PET117: variants seen among roughly 807,000 people sequenced by gnomAD.
PET117 encodes the protein PET117 cytochrome c oxidase chaperone.
PET117 carries 10 observed loss-of-function variants against 9.2 expected under a neutral mutation model. The observed-to-expected ratio is 1.09, with a 90% CI of 0.67 to 1.85. PET117 has a LOEUF of 1.85. PET117 is among the 40% of genes most tolerant of loss of function. The pLI is 0.00. For missense variants in PET117, 96 were observed against 98.2 expected, an observed-to-expected ratio of 0.98 and a Z score of 0.09; for synonymous variants, 43 against 37.1, an observed-to-expected ratio of 1.16 and a Z score of -0.57.
At chr20:18,141,351 C>G (rs148394005) in intron 1 of PET117, among the ~76,000 whole-genome samples, 5 of 151,788 alleles carry the variant, frequency 3.3e-5, no homozygotes, top group Admixed American at 2.6e-4. Context: ...TTATTTTTTC[C>G]GCTGGTAGTA....
intron 1 of PET117, among the ~76,000 whole-genome samples, chr20:18,140,062 A>C (rs1236367842): frequency 6.6e-6 from 1 of 152,138 alleles, no homozygotes; most frequent in African/African-American, 2.4e-5. Context: ...ACCTAGAGGA[A>C]GATAGCAAAT....
Position 18,142,424 on chromosome 20 carries a change from T to TTAG in PET117, c.*73_*75dup. 6.8e-7 allele frequency: 1 copy of TTAG among 1,475,502 alleles called. No individual in the cohort carries two copies. Among genetic ancestry groups the TTAG allele is most frequent in the Non-Finnish European group, 8.9e-7 (1 of 1,119,680 alleles). The allele number at this position is 1,475,502 out of a possible 1,614,324, so 91.4% of individuals were successfully genotyped here. On this transcript the variant is annotated 3_prime_UTR_variant, in exon 2 of 2. Coordinates refer to ENST00000432901, the MANE Select transcript of PET117 (RefSeq NM_001164811.2). ...TGTGTGTGTGTTGATGGAGAGTAGC[T>TTAG]TAGTAGTATCTTCATCTTTTTTTTT...
chr20:18,141,051 T>TTTTTTTTTTTTTTCTTTTTTG (rs58888387), intron 1 of PET117, among the ~76,000 whole-genome samples: 1 of 109,704 alleles, frequency 9.1e-6, no homozygotes, highest in Non-Finnish European at 1.8e-5. Context: ...TTTTTTATTT[T>TTTTTTTTTTTTTTCTTTTTTG]TATTTTTGCT....
At chr20:18,141,486 GTGTTTAT>G (rs1238268289) in intron 1 of PET117, among the ~76,000 whole-genome samples, 1 of 152,078 alleles carries the variant, frequency 6.6e-6, no homozygotes, top group Non-Finnish European at 1.5e-5. Context: ...TTTTCTGTTG[GTGTTTAT>G]TGTTCAGCTA....
intron 1 of PET117, among the ~76,000 whole-genome samples, chr20:18,141,480 C>G (rs1296366020): frequency 6.6e-6 from 1 of 152,000 alleles, no homozygotes; most frequent in African/African-American, 2.4e-5. Flanking sequence ...TGCATTTTTT[C>G]TGTTGGTGTT....
chr20:18,142,189 C>G lies in PET117; in HGVS notation c.97-19C>G. ...CACCTGTTCGGGATGTTACTGAAAT[C>G]TGTTTCTTACGTTTTTAGAGGCTTC... On this transcript the variant is annotated intron_variant, in intron 1 of 1. Transcript: ENST00000432901. 1 of 1,534,204 alleles carries G rather than the reference C, an allele frequency of 6.5e-7. No individual in the cohort carries two copies. Among genetic ancestry groups the G allele is most frequent in the South Asian group, 1.2e-5 (1 of 83,718 alleles).
chr20:18,142,677 A>T lies in PET117; in HGVS notation c.*320A>T, dbSNP rs1454931502. The T allele has an allele frequency of 6.2e-7, 1 of 1,614,100 alleles. No homozygotes were observed. Among genetic ancestry groups the T allele is most frequent in the African/African-American group, 1.3e-5 (1 of 74,936 alleles). On this transcript the variant is annotated 3_prime_UTR_variant, in exon 2 of 2. Transcript: ENST00000432901. ...AAGGAAGGGATGGATAGTAGCATCC[A>T]CCTGAGTAGTCTGATCAGTCGGCAT...
At chr20:18,140,626 G>A (rs897925580) in intron 1 of PET117, among the ~76,000 whole-genome samples, 5 of 151,320 alleles carry the variant, frequency 3.3e-5, no homozygotes, top group Non-Finnish European at 5.9e-5. Flanking sequence ...CCTGGCCAAC[G>A]TGGTGAAACC....
At chr20:18,141,041 T>TA (rs1555801378) in intron 1 of PET117, among the ~76,000 whole-genome samples, 3 of 43,608 alleles carry the variant, frequency 6.9e-5, no homozygotes, top group Non-Finnish European at 1.1e-4. Flanking sequence ...TTTTTTTTTT[T>TA]TTTTTATTTT....
Position 18,142,592 on chromosome 20 carries a change from C to G in PET117, c.*235C>G. The stretch of plus-strand genomic sequence containing the variant: ...GTCTGGGTGATCCTGGTAGAAGCCC[C>G]ATTAGGGTCACTGTCCAGTGCTTAG... On this transcript the variant is annotated 3_prime_UTR_variant, in exon 2 of 2. Coordinates refer to ENST00000432901, the MANE Select transcript of PET117 (RefSeq NM_001164811.2). 1 of 1,592,446 alleles carries G rather than the reference C, an allele frequency of 6.3e-7. No homozygotes were observed. The highest frequency in any genetic ancestry group is 8.6e-7 in the Non-Finnish European group (1 of 1,167,704).
intron 1 of PET117, among the ~76,000 whole-genome samples, chr20:18,139,270 CT>C (rs1362419407): frequency 6.6e-6 from 1 of 152,166 alleles, no homozygotes; most frequent in Non-Finnish European, 1.5e-5. Context: ...AGGCAGAAGA[CT>C]TCCGCCTCTT....
intron 1 of PET117, among the ~76,000 whole-genome samples, chr20:18,139,652 G>GTGTGTA (rs1440505916): frequency 6.9e-6 from 1 of 144,292 alleles, no homozygotes; most frequent in Non-Finnish European, 1.5e-5. Context: ...GTGTGTGTGT[G>GTGTGTA]TGTGTGTGTG....
Position 18,137,924 on chromosome 20 carries a change from G to C in PET117, c.-32G>C, listed in dbSNP as rs770214130. On this transcript the variant is annotated 5_prime_UTR_variant, in exon 1 of 2. Coordinates refer to ENST00000432901, the MANE Select transcript of PET117 (RefSeq NM_001164811.2). ...GGCGGCCTCTGCGCCTCGGGCGGGC[G>C]GGAGAGAGAGGCCGCGGCCGCCAGC... The C allele has an allele frequency of 2.7e-6, 4 of 1,471,588 alleles. No homozygotes were observed. The highest frequency in any genetic ancestry group is 2.7e-6 in the Non-Finnish European group (3 of 1,118,542). 91.2% of individuals were successfully genotyped at this position (1,471,588 alleles called of 1,614,324 possible).
intron 1 of PET117, among the ~76,000 whole-genome samples, chr20:18,141,484 T>C (rs60528053): frequency 0.22 from 33,821 of 152,172 alleles, 4,459 homozygotes; most frequent in East Asian, 0.52. Flanking sequence ...TTTTTTCTGT[T>C]GGTGTTTATT....
chr20:18,141,846 A>G (rs1379655613), intron 1 of PET117, among the ~76,000 whole-genome samples: 3 of 152,202 alleles, frequency 2.0e-5, no homozygotes, highest in Non-Finnish European at 2.9e-5. Context: ...GAGTGCAGCC[A>G]CTGCACTCCA....
intron 1 of PET117, chr20:18,138,491 C>T (rs1312820979): frequency 4.1e-6 from 4 of 982,958 alleles, no homozygotes; most frequent in African/African-American, 3.5e-5. Context: ...TACCAGCCTC[C>T]CTCCTGGCCC....
Position 18,142,976 on chromosome 20 carries a change from C to A in PET117, c.*619C>A. 1 of 1,586,624 alleles carries A rather than the reference C, an allele frequency of 6.3e-7. No homozygotes were observed. The highest frequency in any genetic ancestry group is 1.1e-5 in the South Asian group (1 of 88,984). On this transcript the variant is annotated 3_prime_UTR_variant, in exon 2 of 2. Transcript: ENST00000432901. ...AATTCCTGTGTGAAGGTTTGTTTTT[C>A]CAACCTGTGAAAGAAACGTGAATGT...
Position 18,138,019 on chromosome 20 carries a change from G to C in PET117, c.64G>C (p.Gly22Arg). The change falls in exon 1 of 2, where the codon GGC (glycine) becomes CGC (arginine). Residue 22 changes from glycine to arginine, a missense_variant. By Grantham distance (125) the Gly-to-Arg change is moderately radical. Transcript: ENST00000432901. ...SVLLTAATVAGVHVKQQWDQQ... is the reference protein window; with the variant it reads ...SVLLTAATVARVHVKQQWDQQ... ...GCTGCTGACGGCGGCCACAGTGGCC[G>C]GCGTACATGTGAAGCAGCAGTGGGA... The C allele has an allele frequency of 2.7e-6, 4 of 1,497,504 alleles. No individual in the cohort carries two copies. Among genetic ancestry groups the C allele is most frequent in the Non-Finnish European group, 2.7e-6 (3 of 1,130,024 alleles). The allele number at this position is 1,497,504 out of a possible 1,614,324, so 92.8% of individuals were successfully genotyped here.
intron 1 of PET117, among the ~76,000 whole-genome samples, chr20:18,139,060 T>C (rs2037418813): frequency 6.6e-6 from 1 of 152,234 alleles, no homozygotes; most frequent in Admixed American, 6.5e-5. Flanking sequence ...TGGACTGTGC[T>C]ATGTGCTTGA....
Sources: allele counts gnomAD v4.1 joint callset (sites outside exome capture counted in the v4.1 genomes callset), GRCh38; gene constraint gnomAD v4.1.1; transcripts MANE v1.5; gene names NCBI Gene and HGNC (gene_info 2026-07-23, HGNC 2026-07-21).